Variants in MAP7 observed in about 807,000 individuals in gnomAD.
MAP7 encodes ensconsin.
Under a neutral mutation model 94.8 loss-of-function variants are expected in MAP7, and 52 were observed. That is an observed-to-expected ratio of 0.55 (90% CI 0.44 to 0.69). The LOEUF (loss-of-function observed/expected upper bound fraction) is 0.69. Ranked by LOEUF, MAP7 falls within the 30% of genes least tolerant of loss-of-function variation. The probability of loss-of-function intolerance (pLI) is 0.00; values close to 1 mark genes in which losing one functional copy is unlikely to be tolerated. For synonymous variants in MAP7, 350 were observed against 357.0 expected (o/e 0.98, Z 0.22); for missense variants, 940 against 964.6 (o/e 0.97, Z 0.34).
intron 1 of MAP7, among the ~76,000 whole-genome samples, chr6:136,524,971 G>A (rs1443620112): frequency 6.6e-6 from 1 of 152,210 alleles, no homozygotes; most frequent in Non-Finnish European, 1.5e-5. Context: ...TTTTGGGGAA[G>A]GGGAAGCAAG....
At chr6:136,545,228 T>C (rs879728127) in intron 1 of MAP7, 9 of 152,128 alleles carry the variant, frequency 5.9e-5, no homozygotes, top group Admixed American at 1.3e-4. Context: ...TAGCCCTTCA[T>C]TGATCTCCAG....
intron 1 of MAP7, among the ~76,000 whole-genome samples, chr6:136,482,600 C>CAA (rs372638079): frequency 4.2e-5 from 5 of 120,302 alleles, no homozygotes; most frequent in Admixed American, 8.9e-5. Flanking sequence ...GGCTCCATCT[C>CAA]AAAAAAAAAA....
intron 3 of MAP7, among the ~76,000 whole-genome samples, chr6:136,401,452 T>TA (rs1264135011): frequency 1.3e-5 from 2 of 152,098 alleles, no homozygotes; most frequent in Non-Finnish European, 2.9e-5. Context: ...TATGCAGCCA[T>TA]AAAAAAGGAT....
chr6:136,549,840 C>A (rs895527382), intron 1 of MAP7, among the ~76,000 whole-genome samples: 2 of 152,192 alleles, frequency 1.3e-5, no homozygotes, highest in Admixed American at 6.5e-5. Flanking sequence ...GCTCACCCCG[C>A]GGTCCTGCCC....
intron 1 of MAP7, among the ~76,000 whole-genome samples, chr6:136,497,797 C>CAAAAAAAAAAAAAA (rs1199112585): frequency 4.3e-5 from 2 of 46,568 alleles, no homozygotes; most frequent in Non-Finnish European, 9.6e-5. Context: ...GACTCTGTCA[C>CAAAAAAAAAAAAAA]AAAAAAAAAA....
At chr6:136,458,401 T>C (rs1432006077) in intron 1 of MAP7, among the ~76,000 whole-genome samples, 2 of 152,140 alleles carry the variant, frequency 1.3e-5, no homozygotes, top group African/African-American at 4.8e-5. Context: ...CTCAATGGCA[T>C]TTTTTACAGA....
intron 1 of MAP7, among the ~76,000 whole-genome samples, chr6:136,533,884 T>G (rs1301915637): frequency 2.6e-5 from 4 of 152,200 alleles, no homozygotes; most frequent in African/African-American, 9.7e-5. Context: ...ATGTCATATT[T>G]CAACATGAAA....
chr6:136,430,418 CAG>C (rs1238033329), intron 1 of MAP7, among the ~76,000 whole-genome samples: 1 of 152,104 alleles, frequency 6.6e-6, no homozygotes, highest in Non-Finnish European at 1.5e-5. Context: ...TAGTTCTAAA[CAG>C]GGGACTCAGT....
rs1778412780 is a variant in MAP7 at position 136,383,700 on chromosome 6, G to C, written c.608C>G (p.Ser203Cys). 1 of 1,608,586 alleles carries C rather than the reference G, an allele frequency of 6.2e-7. No homozygotes were observed. Among genetic ancestry groups the C allele is most frequent in the East Asian group, 2.2e-5 (1 of 44,554 alleles). ...ATCTGGAGAATTTAGTAAAGTTGCA[G>C]ATGAAGAGGAGAGCCGCTTGCTAAT... The part of the protein sequence containing the change: ...PVISKRLSSS[S>C]ATLLNSPDRA... The change falls in exon 6 of 18, where the codon TCT (serine) becomes TGT (cysteine). Residue 203 changes from serine (S) to cysteine (C), a missense_variant. Transcript: ENST00000354570.
At chr6:136,461,585 C>T (rs567312708) in intron 1 of MAP7, among the ~76,000 whole-genome samples, 3 of 152,222 alleles carry the variant, frequency 2.0e-5, no homozygotes, top group African/African-American at 7.2e-5. Flanking sequence ...AGTTTATTGT[C>T]TGTGATATTA....
At chr6:136,458,566 A>C (rs549690197) in intron 1 of MAP7, among the ~76,000 whole-genome samples, 1 of 152,302 alleles carries the variant, frequency 6.6e-6, no homozygotes, top group Non-Finnish European at 1.5e-5. Flanking sequence ...AATGGAATAA[A>C]GACATATAGA....
intron 7 of MAP7, 122 bp downstream of exon 7, chr6:136,377,633 C>A: frequency 1.4e-6 from 1 of 698,426 alleles, no homozygotes; most frequent in Non-Finnish European, 2.5e-6. Context: ...CCAACACCGA[C>A]AGACATTTCC....
In MAP7 at chr6:136,550,196, G is replaced by T; in HGVS notation, c.67+146C>A. 2 of 505,782 alleles carry T rather than the reference G, an allele frequency of 4.0e-6. No homozygotes were observed. The highest frequency in any genetic ancestry group is 5.6e-6 in the Non-Finnish European group (2 of 357,506). 31.3% of individuals were successfully genotyped at this position (505,782 alleles called of 1,614,324 possible). A position where few individuals can be genotyped will look rare whatever the true frequency, so the allele number is the denominator to read the frequency against. On this transcript the variant is annotated intron_variant, in intron 1 of 17. Coordinates refer to ENST00000354570, the MANE Select transcript of MAP7 (RefSeq NM_003980.6). This position sits in a 1 kb window ranked among gnomAD's most constrained non-coding sequence, Gnocchi z 5.1. The stretch of plus-strand genomic sequence containing the variant: ...GGAAGGCGCTCTCGGAGCAGGGTGC[G>T]CGGCGCGCAGGGCCGGTTGTTCCGG...
intron 2 of MAP7, chr6:136,420,216 A>G (rs1790861225): frequency 9.5e-7 from 1 of 1,056,486 alleles, no homozygotes; most frequent in Non-Finnish European, 1.5e-6. Context: ...CAGGCATTTC[A>G]GAGCCAGGAA....
At chr6:136,479,369 A>G (rs1373858896) in intron 1 of MAP7, among the ~76,000 whole-genome samples, 1 of 152,216 alleles carries the variant, frequency 6.6e-6, no homozygotes, top group East Asian at 1.9e-4. Flanking sequence ...AACATAATAA[A>G]AGCCATATAT....
chr6:136,391,116 G>T (rs930832315), intron 3 of MAP7, among the ~76,000 whole-genome samples: 2 of 152,092 alleles, frequency 1.3e-5, no homozygotes, highest in Admixed American at 1.3e-4. Context: ...GGACATTTGG[G>T]TTGGTTCCAA....
At chr6:136,433,553 CGTAACAGT>C (rs1795542911) in intron 1 of MAP7, among the ~76,000 whole-genome samples, 2 of 152,164 alleles carry the variant, frequency 1.3e-5, no homozygotes, top group East Asian at 3.9e-4. Flanking sequence ...TGGTACATAG[CGTAACAGT>C]GAACAAAAGT....
intron 1 of MAP7, among the ~76,000 whole-genome samples, chr6:136,451,155 T>C (rs1554258433): frequency 6.6e-6 from 1 of 152,230 alleles, no homozygotes; most frequent in Non-Finnish European, 1.5e-5. Flanking sequence ...TACTTAAATC[T>C]GCGCAACAAA....
chr6:136,460,452 C>T (rs868499083), intron 1 of MAP7, among the ~76,000 whole-genome samples: 1 of 152,100 alleles, frequency 6.6e-6, no homozygotes, highest in South Asian at 2.1e-4. Flanking sequence ...ACACATGAAG[C>T]ACTGTTTATA....
Sources: gnomAD v4.1 joint callset for allele counts (sites outside exome capture counted in the v4.1 genomes callset) on GRCh38, gnomAD v4.1.1 for gene constraint, Gnocchi (gnomAD v3.1) non-coding constraint, MANE v1.5 for transcripts, NCBI Gene and HGNC (gene_info 2026-07-23, HGNC 2026-07-21) for gene names.